The following GRIN2A variants were observed in gnomAD, a reference collection of about 807,000 sequenced individuals.
GRIN2A encodes the protein glutamate ionotropic receptor NMDA type subunit 2A.
A neutral mutation model predicts 113.4 loss-of-function variants in GRIN2A; 22 were observed. That is an observed-to-expected ratio of 0.19 (90% confidence interval 0.14 to 0.28). The LOEUF (loss-of-function observed/expected upper bound fraction) is 0.28. Among genes scored for constraint, GRIN2A ranks in the 10% least tolerant of loss-of-function variants. GRIN2A has a pLI of 1.00. For missense variants in GRIN2A, 1,502 were observed against 1,887.0 expected (o/e 0.80, Z 3.78); for synonymous variants, 827 against 738.4 (o/e 1.12, Z -1.94).
At chr16:9,958,356 C>T (rs1391387128) in intron 2 of GRIN2A, among the ~76,000 whole-genome samples, 1 of 152,102 alleles carries the variant, frequency 6.6e-6, no homozygotes, top group Non-Finnish European at 1.5e-5. Context: ...CTGAGATCAT[C>T]TTTCTTGGCA....
intron 2 of GRIN2A, among the ~76,000 whole-genome samples, chr16:9,996,391 T>A (rs2046224388): frequency 6.6e-6 from 1 of 152,212 alleles, no homozygotes; most frequent in Admixed American, 6.5e-5. Flanking sequence ...GAGCAGCTAT[T>A]CTTTCAGACT....
intron 4 of GRIN2A, among the ~76,000 whole-genome samples, chr16:9,851,599 A>C (rs2042883366): frequency 6.6e-6 from 1 of 152,204 alleles, no homozygotes; most frequent in African/African-American, 2.4e-5. Context: ...TGTTATACCA[A>C]TCCCTTTTCT....
chr16:9,981,598 A>G (rs2045892989), intron 2 of GRIN2A, among the ~76,000 whole-genome samples: 1 of 152,182 alleles, frequency 6.6e-6, no homozygotes, highest in South Asian at 2.1e-4. Flanking sequence ...ATACATCTCT[A>G]AAAGTCAAGG....
intron 5 of GRIN2A, among the ~76,000 whole-genome samples, chr16:9,843,078 GAA>G (rs1318707376): frequency 1.3e-5 from 2 of 151,022 alleles, no homozygotes; most frequent in Non-Finnish European, 3.0e-5. Context: ...GAGGGAGAGA[GAA>G]GAGAGAAAGA....
At chr16:10,168,820 C>T (rs1022063985) in intron 2 of GRIN2A, among the ~76,000 whole-genome samples, 27 of 152,052 alleles carry the variant, frequency 1.8e-4, no homozygotes, top group Middle Eastern at 3.4e-3. Flanking sequence ...ACAAAGTTAG[C>T]TGATGGTGGT....
At chr16:9,824,240 A>G (rs1447604515) in intron 9 of GRIN2A, among the ~76,000 whole-genome samples, 2 of 152,146 alleles carry the variant, frequency 1.3e-5, no homozygotes, top group African/African-American at 4.8e-5. Flanking sequence ...CCACGTGTGC[A>G]TGTGTGTGTA....
rs755993337 is a variant in GRIN2A at position 9,988,270 on chromosome 16, T to TGTGTGTGTGTGC, written c.415-49720_415-49719insGCACACACACAC. ...ACTGAAGGAAAGAGATCCATAGGGG[T>TGTGTGTGTGTGC]GTGTGTGTGTGTGCGTGTGTGTGTG... On this transcript the variant is annotated intron_variant, in intron 2 of 12. Transcript: ENST00000330684. 3.0e-4 allele frequency among the ~76,000 whole-genome samples: 12 copies of TGTGTGTGTGTGC among 39,668 alleles called. No individual in the cohort carries two copies. In the South Asian group the frequency reaches 3.8e-3, roughly 13 times the overall value. The allele number at this position is 39,668 out of a possible 152,430, so 26.0% of individuals were successfully genotyped here.
rs368026708 is a variant in GRIN2A at position 9,841,091 on chromosome 16, C to T, written c.1342G>A (p.Glu448Lys). ...KFVKINNSTN[E>K]GMNVKKCCKG... Reference sequence around the variant, plus strand: ...CAGCATTTCTTCACATTCATCCCCTCATTGGTTGAATTGCTGTAAAGAAAA... The same window carrying T: ...CAGCATTTCTTCACATTCATCCCCTTATTGGTTGAATTGCTGTAAAGAAAA... Residue 448 changes from glutamate to lysine, a missense_variant, in exon 6 of 13, where the codon GAG becomes AAG. Around this residue, in one of 7 missense-constraint regions of GRIN2A, gnomAD observed 334 missense variants for 403.0 expected, o/e 0.83. Coordinates refer to ENST00000330684, the MANE Select transcript of GRIN2A (RefSeq NM_001134407.3). 3 of 1,613,320 alleles carry T rather than the reference C, an allele frequency of 1.9e-6. No individual in the cohort carries two copies. Among genetic ancestry groups the T allele is most frequent in the African/African-American group, 1.3e-5 (1 of 74,982 alleles).
intron 5 of GRIN2A, among the ~76,000 whole-genome samples, chr16:9,847,980 A>G (rs1055525225): frequency 6.8e-6 from 1 of 146,498 alleles, no homozygotes; most frequent in East Asian, 2.0e-4. Flanking sequence ...TATATGGTTT[A>G]TATATTTTTA....
At chr16:9,825,221 C>G (rs1474385138) in intron 9 of GRIN2A, among the ~76,000 whole-genome samples, 1 of 152,172 alleles carries the variant, frequency 6.6e-6, no homozygotes, top group African/African-American at 2.4e-5. Context: ...TTGGAGCAAC[C>G]AGTTAAGCTC....
chr16:10,146,385 A>G (rs578066939), intron 2 of GRIN2A, among the ~76,000 whole-genome samples: 8 of 152,196 alleles, frequency 5.3e-5, no homozygotes, highest in Middle Eastern at 3.4e-3. Flanking sequence ...CCCACAGTGC[A>G]TGAGCCACCA....
intron 2 of GRIN2A, among the ~76,000 whole-genome samples, chr16:10,131,896 C>T (rs1388647195): frequency 6.6e-6 from 1 of 152,142 alleles, no homozygotes; most frequent in Non-Finnish European, 1.5e-5. Context: ...ATTACTACTA[C>T]TGTTATTATT....
chr16:9,957,361 G>A (rs2045332174), intron 2 of GRIN2A, among the ~76,000 whole-genome samples: 1 of 152,190 alleles, frequency 6.6e-6, no homozygotes, highest in Non-Finnish European at 1.5e-5. Flanking sequence ...GTGGGACACA[G>A]CCACTCCCTA....
chr16:10,033,504 A>T (rs554937543), intron 2 of GRIN2A, among the ~76,000 whole-genome samples: 1 of 152,338 alleles, frequency 6.6e-6, no homozygotes, highest in African/African-American at 2.4e-5. Context: ...GAGGGGTTAG[A>T]ACAGGGCCAT....
chr16:10,028,717 C>A (rs2046868294), intron 2 of GRIN2A, among the ~76,000 whole-genome samples: 1 of 152,206 alleles, frequency 6.6e-6, no homozygotes, highest in Admixed American at 6.5e-5. Context: ...GCAAACTTTT[C>A]TGTAAAGAGC....
intron 2 of GRIN2A, among the ~76,000 whole-genome samples, chr16:10,133,184 T>A (rs1023925501): frequency 6.6e-6 from 1 of 152,086 alleles, no homozygotes; most frequent in Admixed American, 6.5e-5. Flanking sequence ...TATACAGGAG[T>A]CAGAGTTTAG....
chr16:9,951,713 G>T (rs1471071211), intron 2 of GRIN2A, among the ~76,000 whole-genome samples: 1 of 152,174 alleles, frequency 6.6e-6, no homozygotes, highest in Non-Finnish European at 1.5e-5. Context: ...CATAGAAAAA[G>T]AAATTGAATG....
chr16:9,794,900 G>A (rs1902870964), intron 11 of GRIN2A, among the ~76,000 whole-genome samples: 1 of 140,060 alleles, frequency 7.1e-6, no homozygotes, highest in Non-Finnish European at 1.5e-5. Context: ...AGTTGTGCAC[G>A]GGCAACTATG....
intron 2 of GRIN2A, among the ~76,000 whole-genome samples, chr16:10,168,420 G>A (rs1458095747): frequency 6.6e-6 from 1 of 152,166 alleles, no homozygotes; most frequent in African/African-American, 2.4e-5. Flanking sequence ...AAAGCACCAA[G>A]GCTTGGAGAT....
Sources: gnomAD v4.1 joint callset for allele counts (sites outside exome capture counted in the v4.1 genomes callset) on GRCh38, gnomAD v4.1.1 for gene constraint, gnomAD v4.1.1 regional missense constraint, MANE v1.5 for transcripts, NCBI Gene and HGNC (gene_info 2026-07-23, HGNC 2026-07-21) for gene names.